POFUT3: variants seen among roughly 807,000 people sequenced by gnomAD.
POFUT3 encodes the protein protein O-fucosyltransferase 3, also known as GDP-fucose protein O-fucosyltransferase 3.
At chr8:33,426,129 T>A in the POFUT3 span, among the ~76,000 whole-genome samples, 3 of 152,258 alleles carry the variant, frequency 2.0e-5, no homozygotes, top group South Asian at 6.2e-4. Flanking sequence ...TGTTTTGAAC[T>A]CCTGGCCTCA....
the POFUT3 span, among the ~76,000 whole-genome samples, chr8:33,427,644 T>C: frequency 5.9e-5 from 9 of 151,882 alleles, no homozygotes; most frequent in East Asian, 1.9e-4. Flanking sequence ...AGAAAAAAAA[T>C]TGTAAAACAC....
chr8:33,462,474 A>G, the POFUT3 span, among the ~76,000 whole-genome samples: 1 of 152,182 alleles, frequency 6.6e-6, no homozygotes, highest in African/African-American at 2.4e-5. Flanking sequence ...TAAGGAAACC[A>G]ACTTTTGCCA....
chr8:33,428,355 A>AT, the POFUT3 span, among the ~76,000 whole-genome samples: 2 of 152,202 alleles, frequency 1.3e-5, no homozygotes, highest in Non-Finnish European at 2.9e-5. Context: ...AGCTAAAGAA[A>AT]TTTTTTAAAT....
the POFUT3 span, among the ~76,000 whole-genome samples, chr8:33,351,733 T>G: frequency 6.6e-6 from 1 of 151,952 alleles, no homozygotes; most frequent in East Asian, 1.9e-4. Flanking sequence ...AACAGTAAAT[T>G]GAAACAGATG....
the POFUT3 span, among the ~76,000 whole-genome samples, chr8:33,346,888 A>G: frequency 1.3e-5 from 2 of 152,182 alleles, no homozygotes; most frequent in African/African-American, 4.8e-5. Context: ...CAAAGCAAGC[A>G]AAGAATCATC....
the POFUT3 span, among the ~76,000 whole-genome samples, chr8:33,445,204 G>T: frequency 6.6e-6 from 1 of 152,234 alleles, no homozygotes; most frequent in South Asian, 2.1e-4. Context: ...AAAGGGCTGG[G>T]ACTACAGGTG....
the POFUT3 span, among the ~76,000 whole-genome samples, chr8:33,462,298 C>G: frequency 6.6e-6 from 1 of 151,778 alleles, no homozygotes; most frequent in Non-Finnish European, 1.5e-5. Context: ...AGACTGAATT[C>G]CAAGACTTTT....
At chr8:33,452,089 A>G in the POFUT3 span, 1 of 98,886 alleles carries the variant, frequency 1.0e-5, no homozygotes, top group Non-Finnish European at 2.2e-5. Context: ...ATGTGTATGT[A>G]TATGTATATA....
chr8:33,447,254 C>T, the POFUT3 span, among the ~76,000 whole-genome samples: 1 of 152,090 alleles, frequency 6.6e-6, no homozygotes, highest in South Asian at 2.1e-4. Context: ...TCGAGACCAT[C>T]CTGGCTAACA....
At chr8:33,322,192 A>G in the POFUT3 span, among the ~76,000 whole-genome samples, 2 of 152,094 alleles carry the variant, frequency 1.3e-5, no homozygotes. Flanking sequence ...CCCTAAATGT[A>G]TAAGAGCAAG....
At chr8:33,470,565 T>C in the POFUT3 span, among the ~76,000 whole-genome samples, 9 of 152,208 alleles carry the variant, frequency 5.9e-5, no homozygotes, top group Admixed American at 1.3e-4. Context: ...TAAGTATTAG[T>C]AACTATTCTT....
At chr8:33,357,944 A>G in the POFUT3 span, among the ~76,000 whole-genome samples, 3 of 152,160 alleles carry the variant, frequency 2.0e-5, no homozygotes, top group Non-Finnish European at 4.4e-5. Flanking sequence ...AATCTACATT[A>G]TGGAATATTC....
At chr8:33,460,611 G>A in the POFUT3 span, 1 of 343,786 alleles carries the variant, frequency 2.9e-6, no homozygotes, top group Admixed American at 6.5e-5. Flanking sequence ...GATAACAATA[G>A]GAGATTCTGA....
chr8:33,332,501 AG>A, the POFUT3 span, among the ~76,000 whole-genome samples: 2 of 139,302 alleles, frequency 1.4e-5, no homozygotes, highest in African/African-American at 5.5e-5. Context: ...AAAAAAAAAA[AG>A]AAGAAGAAGA....
chr8:33,451,432 G>A, the POFUT3 span, among the ~76,000 whole-genome samples: 9 of 151,914 alleles, frequency 5.9e-5, no homozygotes, highest in East Asian at 9.7e-4. Flanking sequence ...GTGTATATAC[G>A]TGTGTATATA....
At chr8:33,355,661 A>ATT in the POFUT3 span, among the ~76,000 whole-genome samples, 276 of 149,320 alleles carry the variant, frequency 1.8e-3, 2 homozygotes, top group African/African-American at 6.1e-3. Flanking sequence ...CAACACATTT[A>ATT]TTTTTTTTTT....
the POFUT3 span, among the ~76,000 whole-genome samples, chr8:33,342,138 C>A: frequency 6.6e-6 from 1 of 152,050 alleles, no homozygotes; most frequent in Admixed American, 6.6e-5. Flanking sequence ...TGAGATCACA[C>A]CACTGCAACT....
At chr8:33,459,572 G>T in the POFUT3 span, among the ~76,000 whole-genome samples, 1 of 151,722 alleles carries the variant, frequency 6.6e-6, no homozygotes, top group South Asian at 2.1e-4. Context: ...GAGCCTGGGA[G>T]GTAGAAGTTG....
the POFUT3 span, chr8:33,338,854 C>A: frequency 6.6e-6 from 1 of 151,982 alleles, no homozygotes; most frequent in African/African-American, 2.4e-5. Context: ...TAAATAAGAC[C>A]CATATCTTAT....
Sources: allele counts gnomAD v4.1 joint callset (sites outside exome capture counted in the v4.1 genomes callset), GRCh38; gene constraint gnomAD v4.1.1; transcripts MANE v1.5; gene names NCBI Gene and HGNC (gene_info 2026-07-23, HGNC 2026-07-21).